Variants in CALCOCO1 observed in about 807,000 individuals in gnomAD.
CALCOCO1 encodes calcium binding and coiled-coil domain 1.
Under a neutral mutation model 86.3 loss-of-function variants are expected in CALCOCO1, and 44 were observed. That is an observed-to-expected ratio of 0.51 (90% CI 0.40 to 0.66). The LOEUF (loss-of-function observed/expected upper bound fraction) is 0.66. Among genes scored for constraint, CALCOCO1 ranks in the 30% least tolerant of loss-of-function variants. The pLI, the probability that CALCOCO1 is intolerant of heterozygous loss-of-function variation, is 0.00. For synonymous variants in CALCOCO1, 297 were observed against 327.6 expected, an observed-to-expected ratio of 0.91 and a Z score of 1.01; for missense variants, 708 against 851.1, an observed-to-expected ratio of 0.83 and a Z score of 2.09.
chr12:53,724,946 C>T (rs1464341848), intron 2 of CALCOCO1, 141 bp downstream of exon 2: 7 of 984,014 alleles, frequency 7.1e-6, no homozygotes, highest in Non-Finnish European at 1.1e-5. Flanking sequence ...TTTGGTTATA[C>T]AGGCGGCCTC....
Position 53,713,167 on chromosome 12 carries a change from G to A in CALCOCO1, c.1831C>T (p.Gln611Ter). The A allele has an allele frequency of 6.2e-7, 1 of 1,614,108 alleles. No homozygotes were observed. Among genetic ancestry groups the A allele is most frequent in the East Asian group, 2.2e-5 (1 of 44,874 alleles). The change falls in exon 14 of 15, where the codon CAG becomes TAG. Residue 611 changes from glutamine (Q) to a stop codon, truncating the protein, a stop_gained. Transcript: ENST00000550804. LOFTEE classifies it high-confidence loss of function. ...DEKSVLMAAVQSGGEEANLLL... is the reference protein window; with the variant it reads ...DEKSVLMAAV ...AAGTTGGCCTCCTCACCCCCACTCT[G>A]CACAGCTGCCATCAGGACTGACTTC...
In CALCOCO1 at chr12:53,712,044, C is replaced by G; in HGVS notation, c.1976G>C (p.Cys659Ser). Residue 659 changes from cysteine (C) to serine (S), a missense_variant, in exon 15 of 15, where the codon TGT becomes TCT. Physicochemically the swap from Cys to Ser is moderately radical, Grantham distance 112 (BLOSUM62 -1). Coordinates refer to ENST00000550804, the MANE Select transcript of CALCOCO1 (RefSeq NM_020898.3). The part of the protein sequence containing the change: ...ATPTWKECPI[C>S]KERFPAESDK... ...ACTCTCAGCAGGAAAGCGCTCCTTACAGATAGGACACTCCTTCCATGTGGG... is the reference window on the plus strand; with the variant it reads ...ACTCTCAGCAGGAAAGCGCTCCTTAGAGATAGGACACTCCTTCCATGTGGG... 1 of 1,612,502 alleles carries G rather than the reference C, an allele frequency of 6.2e-7. No individual in the cohort carries two copies.
chr12:53,714,583 G>A lies in CALCOCO1; in HGVS notation c.1482+15C>T. The A allele has an allele frequency of 6.2e-7, 1 of 1,605,582 alleles. No individual in the cohort carries two copies. The highest frequency in any genetic ancestry group is 8.5e-7 in the Non-Finnish European group (1 of 1,172,206). Reference sequence around the variant, plus strand: ...CACCTGTGGCATCCACGGGGCCTGGGTTATGGGTGCTCACCTGTTTCTCCT... The same window carrying A: ...CACCTGTGGCATCCACGGGGCCTGGATTATGGGTGCTCACCTGTTTCTCCT... On this transcript the variant is annotated intron_variant, in intron 11 of 14. Coordinates refer to ENST00000550804, the MANE Select transcript of CALCOCO1 (RefSeq NM_020898.3).
At chr12:53,721,403 G>C (rs552461842) in intron 6 of CALCOCO1, 64 bp downstream of exon 6, 3 of 1,440,618 alleles carry the variant, frequency 2.1e-6, no homozygotes, top group Non-Finnish European at 2.8e-6. Context: ...GCCTGAGAGA[G>C]GGGGCTGGAG....
chr12:53,725,405 G>A (rs562717852), intron 1 of CALCOCO1, 139 bp from the exon 2 acceptor site: 125 of 579,160 alleles, frequency 2.2e-4, no homozygotes, highest in African/African-American at 2.1e-3. Context: ...TGAGGGTTAC[G>A]GGACATTTTT....
At position 53,711,429 on chromosome 12, in the gene CALCOCO1, A is replaced by C. The variant is rs1565638710; in HGVS notation, c.*515T>G. 1 of 381,316 alleles carries C rather than the reference A, an allele frequency of 2.6e-6. No individual in the cohort carries two copies. The highest frequency in any genetic ancestry group is 4.6e-6 in the Non-Finnish European group (1 of 215,980). The allele number at this position is 381,316 out of a possible 1,614,324, so 23.6% of individuals were successfully genotyped here. On this transcript the variant is annotated 3_prime_UTR_variant, in exon 15 of 15. Transcript: ENST00000550804. ...AATGGGGGAACAGAAAGAGGAACCA[A>C]TGAAACTGAGAACCAAAAGGGACCT...
chr12:53,714,159 T>C lies in CALCOCO1; in HGVS notation c.1565A>G (p.Glu522Gly). The C allele has an allele frequency of 6.2e-7, 1 of 1,613,020 alleles. No individual in the cohort carries two copies. Residue 522 changes from glutamate (E) to glycine (G), a missense_variant, in exon 12 of 15, where the codon GAG becomes GGG. By Grantham distance (98) the Glu-to-Gly change is moderately conservative. Transcript: ENST00000550804. ...DEKWNEDATT[E>G]DEEAAVGLSC... is the part of the protein sequence containing the mutation. ...CAGCCCCACAGCGGCCTCCTCATCC[T>C]CTGTGGTGGCATCCTCATTCCACTT...
At chr12:53,723,833 C>T (rs1945945564) in intron 3 of CALCOCO1, 50 bp from the exon 4 acceptor site, 1 of 1,540,414 alleles carries the variant, frequency 6.5e-7, no homozygotes, top group African/African-American at 1.4e-5. Flanking sequence ...CTGTCCTTGG[C>T]CCCAGCCCCT....
rs114361381 is a variant in CALCOCO1 at position 53,722,634 on chromosome 12, T to C, written c.451-451A>G. The stretch of plus-strand genomic sequence containing the variant: ...CAGGCTGGAGTGCAGTGGCTAGCCA[T>C]AGGTGCAACCATAGCATACCATACC... On this transcript the variant is annotated intron_variant, in intron 4 of 14. Transcript: ENST00000550804. 7.7e-3 allele frequency among the ~76,000 whole-genome samples: 1,179 copies of C among 152,246 alleles called. 26 individuals are homozygous for C. The highest frequency in any genetic ancestry group is 0.027 in the African/African-American group (1,124 of 41,540).
At chr12:53,721,688 G>T in intron 5 of CALCOCO1, 73 bp from the exon 6 acceptor site, 1 of 1,572,966 alleles carries the variant, frequency 6.4e-7, no homozygotes, top group Non-Finnish European at 8.7e-7. Context: ...AAAGGCTTAG[G>T]AAGAGCACAC....
chr12:53,723,883 T>C, intron 3 of CALCOCO1, 100 bp from the exon 4 acceptor site: 1 of 989,902 alleles, frequency 1.0e-6, no homozygotes, highest in Non-Finnish European at 1.5e-6. Context: ...CTTCTCCACC[T>C]CCCACAGGCC....
chr12:53,710,253 G>A lies in CALCOCO1; in HGVS notation c.*1691C>T, dbSNP rs75139843. 9,680 of 152,300 alleles carry A rather than the reference G, an allele frequency of 0.064. 394 individuals carry two copies. The highest frequency in any genetic ancestry group is 0.089 in the Non-Finnish European group (6,048 of 68,032). The allele number at this position is 152,300 out of a possible 1,614,324, so 9.4% of individuals were successfully genotyped here. On this transcript the variant is annotated 3_prime_UTR_variant, in exon 15 of 15. Transcript: ENST00000550804. ...TGGAAGGGATTCAGGGAACGGGATGGGGTTGCTAGGAGACGGAGACGTGAG... is the reference window on the plus strand; with the variant it reads ...TGGAAGGGATTCAGGGAACGGGATGAGGTTGCTAGGAGACGGAGACGTGAG...
intron 5 of CALCOCO1, 39 bp from the exon 6 acceptor site, chr12:53,721,654 G>A (rs753646687): frequency 8.7e-6 from 14 of 1,612,764 alleles, no homozygotes; most frequent in Non-Finnish European, 1.2e-5. Flanking sequence ...GGGAGGTTGG[G>A]ACTCATCTCT....
At chr12:53,716,479 C>T in intron 7 of CALCOCO1, 64 bp from the exon 8 acceptor site, 1 of 1,557,274 alleles carries the variant, frequency 6.4e-7, no homozygotes, top group Non-Finnish European at 8.8e-7. Context: ...GGGAGGTGAA[C>T]CATTGTGATG....
intron 7 of CALCOCO1, 131 bp from the exon 8 acceptor site, chr12:53,716,546 G>T: frequency 1.1e-6 from 1 of 909,564 alleles, no homozygotes; most frequent in Non-Finnish European, 1.7e-6. Flanking sequence ...TTCAGCTATT[G>T]CCAGCCCTTC....
At chr12:53,722,280 G>A (rs1945895002) in intron 4 of CALCOCO1, 97 bp from the exon 5 acceptor site, 3 of 1,397,096 alleles carry the variant, frequency 2.1e-6, no homozygotes, top group African/African-American at 2.8e-5. Flanking sequence ...GGTTTGGGAA[G>A]TTACATAGCT....
chr12:53,723,630 T>A lies in CALCOCO1; in HGVS notation c.413A>T (p.Asp138Val), dbSNP rs749083205. ...VTLEEADGGS[D>V]ILLVVPKATV... is the part of the protein sequence containing the mutation. ...TGCCTTGGGGACAACCAGCAGGATG[T>A]CAGAGCCCCCATCAGCCTCCTCCAG... is the stretch of plus-strand genomic sequence containing the variant. The change falls in exon 4 of 15, where the codon GAC becomes GTC. Residue 138 changes from aspartate (D) to valine (V), a missense_variant. Transcript: ENST00000550804. The A allele has an allele frequency of 2.5e-6, 4 of 1,614,192 alleles. No individual in the cohort carries two copies. In the South Asian group the frequency reaches 4.4e-5, roughly 18 times the overall value.
At chr12:53,726,880 T>G (rs1946047983) in intron 1 of CALCOCO1, among the ~76,000 whole-genome samples, 1 of 152,174 alleles carries the variant, frequency 6.6e-6, no homozygotes. Context: ...GTAAACGTTC[T>G]TCATGTCCGA....
At chr12:53,724,792 C>T in intron 2 of CALCOCO1, 45 bp from the exon 3 acceptor site, 1 of 1,478,860 alleles carries the variant, frequency 6.8e-7, no homozygotes, top group South Asian at 1.2e-5. Context: ...ATGGAACTAC[C>T]TTCTATGGAT....
Sources: allele counts gnomAD v4.1 joint callset (sites outside exome capture counted in the v4.1 genomes callset), GRCh38; gene constraint gnomAD v4.1.1; transcripts MANE v1.5; gene names NCBI Gene and HGNC (gene_info 2026-07-23, HGNC 2026-07-21).